GABRE: variants seen among roughly 807,000 people sequenced by gnomAD.
GABRE encodes the protein gamma-aminobutyric acid type A receptor subunit epsilon.
GABRE carries 20 observed loss-of-function variants against 31.0 expected under a neutral mutation model. That is an observed-to-expected ratio of 0.64 (90% confidence interval 0.45 to 0.94). The LOEUF is 0.94. GABRE is among the 40% of genes least tolerant of loss of function. The pLI is 0.00. For synonymous variants in GABRE, 155 were observed against 150.6 expected (o/e 1.03, Z -0.21); for missense variants, 420 against 410.7 (o/e 1.02, Z -0.20).
rs372300382 is a variant in GABRE at position 151,962,459 on chromosome X, C to T, written c.527G>A (p.Arg176His). 7 of 1,210,670 alleles carry T rather than the reference C, an allele frequency of 5.8e-6. No individual in the cohort carries two copies. The highest frequency in any genetic ancestry group is 1.8e-5 in the South Asian group (1 of 56,906). Reference sequence around the variant, plus strand: ...CAACACCTTGCCATCCTTGTAGATGCGGACCATCTGGTTGGGCATGGTGAT... The same window carrying T: ...CAACACCTTGCCATCCTTGTAGATGTGGACCATCTGGTTGGGCATGGTGAT... The part of the protein sequence containing the change: ...HEITMPNQMV[R>H]IYKDGKVLYT... The change falls in exon 4 of 9, where the codon CGC (arginine) becomes CAC (histidine). Residue 176 changes from arginine to histidine, a missense_variant. Physicochemically the swap from Arg to His is conservative, Grantham distance 29 (BLOSUM62 0). Transcript: ENST00000370328.
At chrX:151,970,557 T>C (rs1024432636) in intron 1 of GABRE, 155 bp from the exon 2 acceptor site, 5 of 594,479 alleles carry the variant, frequency 8.4e-6, no homozygotes, top group South Asian at 3.7e-5. Flanking sequence ...AGTGACAGAT[T>C]AGGCTTGTGA....
At chrX:151,955,111 GA>G (rs761826624) in intron 8 of GABRE, 27 bp from the exon 9 acceptor site, 1 of 1,195,263 alleles carries the variant, frequency 8.4e-7, no homozygotes, top group East Asian at 3.0e-5. Flanking sequence ...AAGAAGTGGG[GA>G]AAAGTCAAGG....
At chrX:151,968,880 G>C (rs956785073) in intron 3 of GABRE, among the ~76,000 whole-genome samples, 1 of 112,204 alleles carries the variant, frequency 8.9e-6, no homozygotes, top group Non-Finnish European at 1.9e-5. Context: ...TGTAACTGCC[G>C]AAGAGAAGAA....
chrX:151,967,361 T>C (rs1207844307), intron 3 of GABRE, among the ~76,000 whole-genome samples: 2 of 111,782 alleles, frequency 1.8e-5, no homozygotes, highest in Non-Finnish European at 3.8e-5. Flanking sequence ...AGCCATGAGG[T>C]TACTGTGGAC....
rs1480565848 is a variant in GABRE at position 151,969,819 on chromosome X, G to C, written c.275-83C>G. On this transcript the variant is annotated intron_variant, in intron 2 of 8. Coordinates refer to ENST00000370328, the MANE Select transcript of GABRE (RefSeq NM_004961.4). ...GAGGAAGTGGTCAGAGGGGATGAAA[G>C]GGGAGTCAAGTAAGTGTTGGACCAC... is the stretch of plus-strand genomic sequence containing the variant. The C allele has an allele frequency of 2.6e-6, 3 of 1,156,219 alleles. No individual in the cohort carries two copies. The South Asian group carries it at 6.5e-5, about 25-fold the overall frequency.
In GABRE at chrX:151,955,503, G is replaced by C; in HGVS notation, c.1002C>G (p.Val334=). ...GTFSRKNFPR[V]SYITALDFYI... is the part of the protein sequence containing the mutation. Reference sequence around the variant, plus strand: ...AGAAATCCAAGGCTGTGATATAGGAGACACGCGGGAAATTCTTACGAGAAA... The same window carrying C: ...AGAAATCCAAGGCTGTGATATAGGACACACGCGGGAAATTCTTACGAGAAA... The change falls in exon 8 of 9, where the codon GTC becomes GTG. Residue 334 remains valine (V), a synonymous_variant. Transcript: ENST00000370328. 3.3e-6 allele frequency: 4 copies of C among 1,211,615 alleles called. No individual in the cohort carries two copies. Among genetic ancestry groups the C allele is most frequent in the Non-Finnish European group, 4.5e-6 (4 of 895,172 alleles).
At chrX:151,960,107 T>C in intron 5 of GABRE, 131 bp from the exon 6 acceptor site, 1 of 556,291 alleles carries the variant, frequency 1.8e-6, no homozygotes, top group African/African-American at 2.3e-5. Context: ...GGACCTTGCC[T>C]CTCTTACCTC....
intron 1 of GABRE, 151 bp from the exon 2 acceptor site, chrX:151,970,553 A>G: frequency 1.6e-6 from 1 of 609,407 alleles, no homozygotes; most frequent in Non-Finnish European, 2.4e-6. Flanking sequence ...AGACAGTGAC[A>G]GATTAGGCTT....
chrX:151,972,206 C>G (rs778720334), intron 1 of GABRE: 43 of 753,687 alleles, frequency 5.7e-5, no homozygotes, highest in Non-Finnish European at 6.7e-5. Flanking sequence ...GCTTAAGTGG[C>G]ATACAGATGT....
chrX:151,972,746 A>T, intron 1 of GABRE: 1 of 629,229 alleles, frequency 1.6e-6, no homozygotes, highest in East Asian at 1.6e-4. Flanking sequence ...ATAAACAAAC[A>T]AAACAAAACC....
Position 151,959,949 on chromosome X carries a change from T to C in GABRE, c.674A>G (p.Tyr225Cys). 1 of 1,209,607 alleles carries C rather than the reference T, an allele frequency of 8.3e-7. No homozygotes were observed. The highest frequency in any genetic ancestry group is 1.1e-6 in the Non-Finnish European group (1 of 894,003). The stretch of plus-strand genomic sequence containing the variant: ...TTCAAGCTTGAAATTTTCCCACTTG[T>C]AGATCATCTCATTCTCAGGATAGGA... The part of the protein sequence containing the change: ...SFSYPENEMI[Y>C]KWENFKLEIN... The change falls in exon 6 of 9, where the codon TAC becomes TGC. Residue 225 changes from tyrosine to cysteine, a missense_variant. By Grantham distance (194) the Tyr-to-Cys change is radical. Coordinates refer to ENST00000370328, the MANE Select transcript of GABRE (RefSeq NM_004961.4).
rs1043925139 is a variant in GABRE, at chrX:151,974,452, G to A, written c.56+118C>T. The A allele has an allele frequency of 6.8e-5, 33 of 484,575 alleles. No homozygotes were observed. The African/African-American group carries it at 8.0e-4, about 12-fold the overall frequency. 39.9% of individuals were successfully genotyped at this position (484,575 alleles called of 1,213,427 possible). A position where few individuals can be genotyped will look rare whatever the true frequency, so the allele number is the denominator to read the frequency against. ...TCGGCCAGCCCGCGGTAGGGCCGGG[G>A]CAAAGCGGGCGCGGGGCTCGAGGAA... is the stretch of plus-strand genomic sequence containing the variant. On this transcript the variant is annotated intron_variant, in intron 1 of 8. Coordinates refer to ENST00000370328, the MANE Select transcript of GABRE (RefSeq NM_004961.4).
At position 151,974,553 on chromosome X, in the gene GABRE, C is replaced by T; in HGVS notation, c.56+17G>A. On this transcript the variant is annotated intron_variant, in intron 1 of 8. Transcript: ENST00000370328. ...GCTGGGCGCGAAGGGCTCCCGGGTC[C>T]CGGGATGGAGACTCACCTCGACTGG... 1.7e-6 allele frequency: 2 copies of T among 1,146,765 alleles called. No individual in the cohort carries two copies. The highest frequency in any genetic ancestry group is 1.8e-5 in the African/African-American group (1 of 54,700). 94.5% of individuals were successfully genotyped at this position (1,146,765 alleles called of 1,213,427 possible).
At chrX:151,973,627 T>C (rs989657908) in intron 1 of GABRE, among the ~76,000 whole-genome samples, 10 of 111,230 alleles carry the variant, frequency 9.0e-5, no homozygotes, top group African/African-American at 3.3e-4. Context: ...CTTGCAAATT[T>C]GTGACACTTC....
chrX:151,961,287 A>C lies in GABRE; in HGVS notation c.642T>G (p.Ser214=). 1 of 1,197,923 alleles carries C rather than the reference A, an allele frequency of 8.3e-7. No individual in the cohort carries two copies. The highest frequency in any genetic ancestry group is 1.1e-6 in the Non-Finnish European group (1 of 883,840). ...MDSHSCPLSF[S]SFSYPENEMI... ...GAAACTTAAGAAGGTACTCACAGCT[A>C]GAGAAAGATAGAGGGCAAGAGTGAG... The change falls in exon 5 of 9, where the codon TCT becomes TCG. Residue 214 remains serine, a synonymous_variant. Transcript: ENST00000370328.
chrX:151,956,862 C>CT (rs1347730745), intron 6 of GABRE: 1 of 111,870 alleles, frequency 8.9e-6, no homozygotes, highest in Non-Finnish European at 1.9e-5. Flanking sequence ...TTGGCATCTT[C>CT]TTTTGTAGCA....
intron 5 of GABRE, 118 bp from the exon 6 acceptor site, chrX:151,960,094 G>A: frequency 1.5e-6 from 1 of 647,609 alleles, no homozygotes. Context: ...CTCACCAGCT[G>A]TGGGACCTTG....
At position 151,953,155 on chromosome X, in the gene GABRE, C is replaced by T. The variant is rs973327853; in HGVS notation, c.*1546G>A. On this transcript the variant is annotated 3_prime_UTR_variant, in exon 9 of 9. Transcript: ENST00000370328. ...GCTGATATATTTATTTACATATTTC[C>T]CCATTTCAGATGATGGTGACAAAAA... 4.5e-5 allele frequency: 5 copies of T among 111,518 alleles called. No homozygotes were observed. In the South Asian group the frequency reaches 1.9e-3, roughly 43 times the overall value. 9.2% of individuals were successfully genotyped at this position (111,518 alleles called of 1,213,427 possible).
chrX:151,970,966 A>G (rs1934677778), intron 1 of GABRE, among the ~76,000 whole-genome samples: 1 of 112,315 alleles, frequency 8.9e-6, no homozygotes, highest in South Asian at 3.7e-4. Context: ...GTGTCTAAAC[A>G]GGAAAGGCAG....
Sources: allele counts gnomAD v4.1 joint callset (sites outside exome capture counted in the v4.1 genomes callset), GRCh38; gene constraint gnomAD v4.1.1; transcripts MANE v1.5; gene names NCBI Gene and HGNC (gene_info 2026-07-23, HGNC 2026-07-21).